The following SLC25A24 variants were observed in gnomAD, a reference collection of about 807,000 sequenced individuals.
SLC25A24 encodes solute carrier family 25 member 24.
SLC25A24 carries 49 observed loss-of-function variants against 60.7 expected under a neutral mutation model. The ratio of observed to expected loss-of-function variants is 0.81; its 90% confidence interval spans 0.64 to 1.02. The LOEUF (loss-of-function observed/expected upper bound fraction) is 1.02, where lower values mean the gene tolerates loss of function less well. Ranked by LOEUF, SLC25A24 falls within the 50% of genes least tolerant of loss-of-function variation. SLC25A24 has a pLI of 0.00. For missense variants in SLC25A24, 564 were observed against 586.3 expected, an observed-to-expected ratio of 0.96 and a Z score of 0.39; for synonymous variants, 202 against 200.6, an observed-to-expected ratio of 1.01 and a Z score of -0.06.
intron 3 of SLC25A24, among the ~76,000 whole-genome samples, chr1:108,170,662 CTA>C (rs1647431218): frequency 6.6e-6 from 1 of 151,838 alleles, no homozygotes; most frequent in African/African-American, 2.4e-5. Context: ...TAGTGACACT[CTA>C]TTTTTATTAA....
chr1:108,163,712 A>G (rs1030288309), intron 3 of SLC25A24, among the ~76,000 whole-genome samples: 1 of 151,270 alleles, frequency 6.6e-6, no homozygotes, highest in Non-Finnish European at 1.5e-5. Context: ...GGGGTTTTCT[A>G]TATATACAAT....
intron 1 of SLC25A24, among the ~76,000 whole-genome samples, chr1:108,194,669 C>T (rs1224593854): frequency 6.6e-6 from 1 of 152,090 alleles, no homozygotes; most frequent in East Asian, 1.9e-4. Flanking sequence ...CCCCATGCAC[C>T]TACACACACA....
At chr1:108,199,822 C>A (rs1421847537) in intron 1 of SLC25A24, 134 bp downstream of exon 1, 2 of 707,442 alleles carry the variant, frequency 2.8e-6, no homozygotes, top group South Asian at 3.8e-5. Flanking sequence ...TCTGAAGCCA[C>A]CGGAGCGCTG....
chr1:108,160,949 GGAGAGGGAGACCGTGGGGAGGGGGAGAGA>G (rs1680058971), intron 4 of SLC25A24, among the ~76,000 whole-genome samples: 1 of 152,220 alleles, frequency 6.6e-6, no homozygotes, highest in African/African-American at 2.4e-5. Flanking sequence ...GGAAAGAGAG[GGAGAGGGAGACCGTGGGGAGGGGGAGAGA>G]GAGGGAGAGG....
chr1:108,176,782 C>G (rs1424603199), intron 3 of SLC25A24, among the ~76,000 whole-genome samples: 4 of 152,100 alleles, frequency 2.6e-5, no homozygotes, highest in Non-Finnish European at 5.9e-5. Flanking sequence ...AGCAAAGTGT[C>G]CTTCAGAAAT....
At chr1:108,150,776 T>C (rs1043513061) in intron 6 of SLC25A24, among the ~76,000 whole-genome samples, 10 of 150,390 alleles carry the variant, frequency 6.6e-5, no homozygotes, top group African/African-American at 2.2e-4. Context: ...CATCTCCCAC[T>C]CCCTTTCCCT....
At chr1:108,169,174 T>C (rs1166535411) in intron 3 of SLC25A24, among the ~76,000 whole-genome samples, 1 of 152,242 alleles carries the variant, frequency 6.6e-6, no homozygotes, top group African/African-American at 2.4e-5. Flanking sequence ...TGTTAACTTG[T>C]CTGTTTCTGT....
chr1:108,189,814 CA>C (rs34977169), intron 1 of SLC25A24, among the ~76,000 whole-genome samples: 26,642 of 106,170 alleles, frequency 0.25, 2,552 homozygotes, highest in East Asian at 0.53. Flanking sequence ...GACTCCATCT[CA>C]AAAAAAAAAA....
intron 3 of SLC25A24, among the ~76,000 whole-genome samples, chr1:108,162,446 C>G (rs1355256777): frequency 1.3e-5 from 2 of 149,752 alleles, no homozygotes; most frequent in Admixed American, 1.3e-4. Flanking sequence ...CACATCCTCT[C>G]CAGCACCTGT....
chr1:108,182,557 G>C (rs1233960593), intron 2 of SLC25A24, among the ~76,000 whole-genome samples: 2 of 152,190 alleles, frequency 1.3e-5, no homozygotes, highest in Non-Finnish European at 2.9e-5. Context: ...AAAAGGCCAG[G>C]CACAGTGACT....
chr1:108,150,310 C>G (rs1679723161), intron 6 of SLC25A24, among the ~76,000 whole-genome samples: 2 of 152,196 alleles, frequency 1.3e-5, no homozygotes, highest in African/African-American at 4.8e-5. Flanking sequence ...AAGTCAGGCA[C>G]TGTGCCTGGT....
At chr1:108,164,716 A>C in intron 3 of SLC25A24, among the ~76,000 whole-genome samples, 1 of 147,578 alleles carries the variant, frequency 6.8e-6, no homozygotes, top group Non-Finnish European at 1.5e-5. Flanking sequence ...GCGGTCTATC[A>C]ATTTTGTTGA....
At chr1:108,152,976 T>C (rs1571284578) in intron 6 of SLC25A24, among the ~76,000 whole-genome samples, 1 of 152,120 alleles carries the variant, frequency 6.6e-6, no homozygotes, top group Non-Finnish European at 1.5e-5. Context: ...TGGAGCAGGG[T>C]CAGGAGACAG....
chr1:108,143,441 G>T, intron 8 of SLC25A24, 102 bp downstream of exon 8: 2 of 964,854 alleles, frequency 2.1e-6, no homozygotes, highest in Non-Finnish European at 3.0e-6. Context: ...TTTACTTCTG[G>T]TCACACACTG....
At chr1:108,159,157 G>A (rs1679985291) in intron 4 of SLC25A24, among the ~76,000 whole-genome samples, 1 of 152,198 alleles carries the variant, frequency 6.6e-6, no homozygotes. Flanking sequence ...TGAAAGTTTG[G>A]TGGAAAACAA....
intron 5 of SLC25A24, among the ~76,000 whole-genome samples, chr1:108,156,106 C>T (rs1026407149): frequency 5.9e-5 from 9 of 152,140 alleles, no homozygotes; most frequent in African/African-American, 2.2e-4. Flanking sequence ...ATATTCCATG[C>T]CTAGTGCCAC....
intron 6 of SLC25A24, among the ~76,000 whole-genome samples, chr1:108,151,661 T>A (rs975848909): frequency 6.6e-6 from 1 of 152,210 alleles, no homozygotes; most frequent in African/African-American, 2.4e-5. Context: ...TATAAGCTCT[T>A]CTTGAGTGAT....
chr1:108,161,858 A>T (rs909637775), intron 3 of SLC25A24, among the ~76,000 whole-genome samples: 1 of 151,872 alleles, frequency 6.6e-6, no homozygotes, highest in South Asian at 2.1e-4. Context: ...CAGGTTAGTT[A>T]CATATGTATA....
At chr1:108,199,715 C>G in intron 1 of SLC25A24, 1 of 579,868 alleles carries the variant, frequency 1.7e-6, no homozygotes, top group Non-Finnish European at 3.1e-6. Flanking sequence ...CCAGAGTGTC[C>G]ACAACACTCA....
Sources: allele counts gnomAD v4.1 joint callset (sites outside exome capture counted in the v4.1 genomes callset), GRCh38; gene constraint gnomAD v4.1.1; transcripts MANE v1.5; gene names NCBI Gene and HGNC (gene_info 2026-07-23, HGNC 2026-07-21).